FGF14: variants seen among roughly 807,000 people sequenced by gnomAD.
FGF14 encodes the protein fibroblast growth factor homologous factor 4.
FGF14 carries 5 observed loss-of-function variants against 25.5 expected under a neutral mutation model. That is an observed-to-expected ratio of 0.20 (90% CI 0.10 to 0.41). FGF14 has a LOEUF of 0.41. Among genes scored for constraint, FGF14 ranks in the 10% least tolerant of loss-of-function variants. The pLI is 1.00. For synonymous variants in FGF14, 138 were observed against 118.3 expected, an observed-to-expected ratio of 1.17 and a Z score of -1.08; for missense variants, 222 against 320.1, an observed-to-expected ratio of 0.69 and a Z score of 2.34.
intron 1 of FGF14, among the ~76,000 whole-genome samples, chr13:102,091,885 T>C (rs1467531072): frequency 6.6e-6 from 1 of 152,216 alleles, no homozygotes; most frequent in Non-Finnish European, 1.5e-5. Context: ...GCTGGTATCA[T>C]TTCTGCCTCC....
intron 1 of FGF14, among the ~76,000 whole-genome samples, chr13:101,931,307 G>C (rs754210560): frequency 6.6e-6 from 1 of 151,958 alleles, no homozygotes; most frequent in African/African-American, 2.4e-5. Flanking sequence ...TCTCCCTCAC[G>C]CTGTCTCAGT....
At chr13:101,881,945 G>T (rs891792089) in intron 1 of FGF14, among the ~76,000 whole-genome samples, 12 of 152,136 alleles carry the variant, frequency 7.9e-5, no homozygotes, top group Admixed American at 7.2e-4. Flanking sequence ...TACACTGCCA[G>T]CTGAGAGAGT....
At chr13:101,888,320 TAAAA>T (rs199783867) in intron 1 of FGF14, among the ~76,000 whole-genome samples, 2,603 of 152,306 alleles carry the variant, frequency 0.017, 82 homozygotes, top group African/African-American at 0.059. Context: ...AAATAAATGT[TAAAA>T]TTTTAACCTG....
chr13:102,194,012 A>T (rs2049236790), intron 1 of FGF14, among the ~76,000 whole-genome samples: 2 of 152,192 alleles, frequency 1.3e-5, no homozygotes, highest in African/African-American at 4.8e-5. Context: ...ATTTTCAAAG[A>T]CCAAAAGTAA....
At chr13:102,005,813 G>T (rs1702943019) in intron 1 of FGF14, among the ~76,000 whole-genome samples, 1 of 152,156 alleles carries the variant, frequency 6.6e-6, no homozygotes, top group African/African-American at 2.4e-5. Flanking sequence ...GACCAATTTT[G>T]ATCTCTCAAG....
At chr13:102,374,679 TA>T (rs2139131488) in intron 1 of FGF14, among the ~76,000 whole-genome samples, 1 of 102,188 alleles carries the variant, frequency 9.8e-6, no homozygotes, top group African/African-American at 3.2e-5. Context: ...TATATATATA[TA>T]TATATATATA....
intron 1 of FGF14, among the ~76,000 whole-genome samples, chr13:101,980,822 G>A (rs1416847027): frequency 1.3e-5 from 2 of 152,142 alleles, no homozygotes; most frequent in African/African-American, 4.8e-5. Context: ...AGGTATTATG[G>A]TCTGAGTTGT....
intron 3 of FGF14, among the ~76,000 whole-genome samples, chr13:101,768,661 C>A (rs754895128): frequency 2.0e-5 from 3 of 152,016 alleles, no homozygotes; most frequent in Non-Finnish European, 4.4e-5. Context: ...AGAAATAGAC[C>A]CACATAAATA....
chr13:102,379,008 C>G (rs2139160779), intron 1 of FGF14, among the ~76,000 whole-genome samples: 1 of 152,234 alleles, frequency 6.6e-6, no homozygotes, highest in Admixed American at 6.5e-5. Flanking sequence ...ACCAAAAGCT[C>G]TGTCCAGCCT....
chr13:101,870,468 C>T (rs1026884920), intron 2 of FGF14, among the ~76,000 whole-genome samples: 2 of 152,134 alleles, frequency 1.3e-5, no homozygotes, highest in African/African-American at 2.4e-5. Flanking sequence ...TTCTAACTTT[C>T]ACACACTCAG....
intron 1 of FGF14, among the ~76,000 whole-genome samples, chr13:102,278,466 T>C (rs1167405764): frequency 6.6e-6 from 1 of 152,132 alleles, no homozygotes; most frequent in Non-Finnish European, 1.5e-5. Context: ...CATTTCACCA[T>C]CTGATGAGGT....
At chr13:101,871,041 A>G (rs2045045318) in intron 2 of FGF14, among the ~76,000 whole-genome samples, 1 of 152,162 alleles carries the variant, frequency 6.6e-6, no homozygotes, top group Admixed American at 6.6e-5. Flanking sequence ...ATGATAGTGG[A>G]AAGTGAATGC....
rs151241041 is a variant in FGF14, at chr13:102,182,587, T to C, written c.208+218884A>G. ...CTTTGTGAAAATTTGTTTTCTCTCT[T>C]GTAAGGTAAGTACCTACATAATGTA... On this transcript the variant is annotated intron_variant, in intron 1 of 4. Transcript: ENST00000376131. 3.9e-5 allele frequency among the ~76,000 whole-genome samples: 6 copies of C among 152,302 alleles called. 1 individual carries two copies. Among genetic ancestry groups the C allele is most frequent in the African/African-American group, 1.4e-4 (6 of 41,578 alleles).
intron 1 of FGF14, among the ~76,000 whole-genome samples, chr13:101,976,236 C>T (rs910797297): frequency 1.3e-5 from 2 of 151,900 alleles, no homozygotes; most frequent in Admixed American, 1.3e-4. Flanking sequence ...ATTCATAGCG[C>T]TATTAATGTC....
intron 1 of FGF14, among the ~76,000 whole-genome samples, chr13:102,370,951 C>A (rs865929871): frequency 7.6e-5 from 11 of 145,166 alleles, no homozygotes; most frequent in Non-Finnish European, 1.4e-4. Context: ...AAAAAAAAAA[C>A]CAACAGAAAA....
chr13:102,061,048 T>A (rs2042666075), intron 1 of FGF14, among the ~76,000 whole-genome samples: 1 of 152,170 alleles, frequency 6.6e-6, no homozygotes, highest in Admixed American at 6.5e-5. Context: ...GCAGCCGGAC[T>A]CCAGGAGAAG....
chr13:102,009,683 C>A (rs2139792238), intron 1 of FGF14, among the ~76,000 whole-genome samples: 1 of 151,928 alleles, frequency 6.6e-6, no homozygotes, highest in East Asian at 1.9e-4. Context: ...GAAAAAAAAA[C>A]TAGTTGTTTC....
At chr13:101,853,407 T>C (rs1323256353) in intron 3 of FGF14, among the ~76,000 whole-genome samples, 1 of 152,084 alleles carries the variant, frequency 6.6e-6, no homozygotes, top group African/African-American at 2.4e-5. Flanking sequence ...ACATATCTGA[T>C]AAATCTGCAC....
At chr13:101,966,770 C>T (rs1325031345) in intron 1 of FGF14, among the ~76,000 whole-genome samples, 6 of 152,092 alleles carry the variant, frequency 3.9e-5, no homozygotes, top group Admixed American at 2.6e-4. Context: ...CGTCAGCCAC[C>T]GCGCCTGGCC....
Sources: gnomAD v4.1 joint callset for allele counts (sites outside exome capture counted in the v4.1 genomes callset) on GRCh38, gnomAD v4.1.1 for gene constraint, MANE v1.5 for transcripts, NCBI Gene and HGNC (gene_info 2026-07-23, HGNC 2026-07-21) for gene names.